The following SLC13A4 variants were observed in gnomAD, a reference collection of about 807,000 sequenced individuals.
SLC13A4 encodes solute carrier family 13 member 4, also known as Na(+)/sulfate cotransporter SUT-1.
SLC13A4 carries 28 observed loss-of-function variants against 72.7 expected under a neutral mutation model. That is an observed-to-expected ratio of 0.39 (90% CI 0.29 to 0.53). SLC13A4 has a LOEUF of 0.53. Ranked by LOEUF, SLC13A4 falls within the 20% of genes least tolerant of loss-of-function variation. The probability of loss-of-function intolerance (pLI) is 0.78; values close to 1 mark genes in which losing one functional copy is unlikely to be tolerated. For synonymous variants in SLC13A4, 312 were observed against 325.5 expected (o/e 0.96, Z 0.45); for missense variants, 653 against 788.0 (o/e 0.83, Z 2.05).
chr7:135,699,909 C>G (rs1407966864), intron 7 of SLC13A4, among the ~76,000 whole-genome samples: 2 of 152,160 alleles, frequency 1.3e-5, no homozygotes, highest in African/African-American at 4.8e-5. Flanking sequence ...ACTGGTGTCA[C>G]TCTACATTGT....
At chr7:135,710,320 C>T (rs1011018825) in intron 2 of SLC13A4, among the ~76,000 whole-genome samples, 4 of 152,042 alleles carry the variant, frequency 2.6e-5, no homozygotes, top group African/African-American at 9.7e-5. Context: ...AAAATCTTCC[C>T]GGGAGGCAGA....
At chr7:135,719,789 GTGTGTGTGTGTGTA>G (rs1451087510) in intron 2 of SLC13A4, among the ~76,000 whole-genome samples, 3 of 138,968 alleles carry the variant, frequency 2.2e-5, no homozygotes, top group African/African-American at 3.1e-5. Context: ...ACATGTGTGT[GTGTGTGTGTGTGTA>G]TGTGTGTGTG....
At chr7:135,725,525 ACTC>A (rs1796636706) in intron 1 of SLC13A4, among the ~76,000 whole-genome samples, 1 of 151,732 alleles carries the variant, frequency 6.6e-6, no homozygotes, top group Admixed American at 6.6e-5. Context: ...GGTCATTTTG[ACTC>A]CTCCTAAAAT....
Position 135,681,625 on chromosome 7 carries a change from G to A in SLC13A4, c.1822C>T (p.Leu608Phe). 2 of 1,614,158 alleles carry A rather than the reference G, an allele frequency of 1.2e-6. No homozygotes were observed. Among genetic ancestry groups the A allele is most frequent in the Non-Finnish European group, 1.7e-6 (2 of 1,180,002 alleles). Residue 608 changes from leucine to phenylalanine, a missense_variant, in exon 16 of 16, where the codon CTC becomes TTC. By Grantham distance (22) the Leu-to-Phe change is conservative. Transcript: ENST00000682651. ...GCTGGGTAAGTGTCCAGGTGGAAGA[G>A]GCTAACTCCCCAGGTGTTGATGGCC... ...MVAINTWGVS[L>F]FHLDTYPAWA...
chr7:135,693,936 T>C (rs1013950988), intron 10 of SLC13A4, among the ~76,000 whole-genome samples: 5 of 152,210 alleles, frequency 3.3e-5, no homozygotes, highest in African/African-American at 1.2e-4. Context: ...GGACTCTGAA[T>C]AGAGCAAAGG....
intron 7 of SLC13A4, among the ~76,000 whole-genome samples, chr7:135,700,269 C>T (rs552035693): frequency 3.3e-5 from 5 of 152,312 alleles, no homozygotes; most frequent in Admixed American, 6.5e-5. Context: ...GTCCAGATGA[C>T]GGCCTTTCAG....
chr7:135,705,489 T>C (rs1796139465), intron 5 of SLC13A4, 107 bp downstream of exon 5: 3 of 1,004,040 alleles, frequency 3.0e-6, no homozygotes, highest in Admixed American at 3.8e-5. Flanking sequence ...GGTGGTGAGC[T>C]TGGGTGGTAC....
intron 15 of SLC13A4, chr7:135,683,455 T>C (rs1249110622): frequency 2.0e-6 from 2 of 984,718 alleles, no homozygotes; most frequent in Non-Finnish European, 2.4e-6. Context: ...CCATCAGTAA[T>C]TCGTATCAGT....
intron 2 of SLC13A4, among the ~76,000 whole-genome samples, chr7:135,712,461 T>TAAAAAAAAA (rs539587817): frequency 8.1e-6 from 1 of 122,982 alleles, no homozygotes; most frequent in African/African-American, 3.1e-5. Context: ...TTTTCTCATC[T>TAAAAAAAAA]AAAAAAAAAA....
At chr7:135,718,075 ACACACACACACACGCG>A (rs999261614) in intron 2 of SLC13A4, among the ~76,000 whole-genome samples, 1 of 132,610 alleles carries the variant, frequency 7.5e-6, no homozygotes, top group African/African-American at 3.0e-5. Context: ...ATTCCTACAC[ACACACACACACACGCG>A]CGCGCGCGCA....
chr7:135,702,891 C>G lies in SLC13A4; in HGVS notation c.594-7G>C, dbSNP rs913364039. ...GAGGTCTGCGTTGGACCTGCTGGAA[C>G]CAAGCAGAGGACACAGGAGCCACGT... is the stretch of plus-strand genomic sequence containing the variant. On this transcript the variant is annotated splice_region_variant and splice_polypyrimidine_tract_variant and intron_variant, in intron 5 of 15. Coordinates refer to ENST00000682651, the MANE Select transcript of SLC13A4 (RefSeq NM_001318192.2). 1.9e-6 allele frequency: 3 copies of G among 1,612,584 alleles called. No individual in the cohort carries two copies. The African/African-American group carries it at 4.0e-5, about 22-fold the overall frequency.
At chr7:135,716,157 T>C (rs112640387) in intron 2 of SLC13A4, among the ~76,000 whole-genome samples, 7 of 152,316 alleles carry the variant, frequency 4.6e-5, no homozygotes, top group Admixed American at 2.0e-4. Flanking sequence ...CCTGGACTTA[T>C]GGAAGCCTGG....
At chr7:135,705,879 C>T (rs1796148370) in intron 4 of SLC13A4, 3 of 564,838 alleles carry the variant, frequency 5.3e-6, no homozygotes, top group African/African-American at 1.9e-5. Context: ...TACCCTTGAG[C>T]ATTTGGGGGA....
chr7:135,701,600 G>A lies in SLC13A4; in HGVS notation c.714+80C>T, dbSNP rs146294445. The A allele has an allele frequency of 5.5e-5, 77 of 1,397,696 alleles. No homozygotes were observed. The African/African-American group carries it at 7.7e-4, about 14-fold the overall frequency. 86.6% of individuals were successfully genotyped at this position (1,397,696 alleles called of 1,614,324 possible). ...CAGCTCACTAGCCTGATTCCCTTAC[G>A]ACTTCAAGACCAGTGCCCTTGGGAA... On this transcript the variant is annotated intron_variant, in intron 7 of 15. Coordinates refer to ENST00000682651, the MANE Select transcript of SLC13A4 (RefSeq NM_001318192.2).
Position 135,723,727 on chromosome 7 carries a change from C to T in SLC13A4, c.100-2204G>A, listed in dbSNP as rs530986065. The stretch of plus-strand genomic sequence containing the variant: ...TAAGGGGCAGCAGGAGTGATTAAAT[C>T]AGCTGGGCTGGCAAGGACCTTGTGC... On this transcript the variant is annotated intron_variant, in intron 1 of 15. Transcript: ENST00000682651. Among the ~76,000 whole-genome samples the T allele has an allele frequency of 4.6e-5, 7 of 152,256 alleles. No homozygotes were observed. In the South Asian group the frequency reaches 1.5e-3, roughly 32 times the overall value.
chr7:135,689,850 T>C (rs1354084506), intron 13 of SLC13A4, among the ~76,000 whole-genome samples: 2 of 152,114 alleles, frequency 1.3e-5, no homozygotes, highest in Non-Finnish European at 2.9e-5. Flanking sequence ...TTCTGTGACC[T>C]TATTATTAAT....
At chr7:135,681,823 G>T in intron 15 of SLC13A4, 123 bp from the exon 16 acceptor site, 1 of 1,367,900 alleles carries the variant, frequency 7.3e-7, no homozygotes. Flanking sequence ...TTGCTGCCTG[G>T]GGTGCTCTAG....
chr7:135,698,348 T>C (rs1461882562), intron 8 of SLC13A4, among the ~76,000 whole-genome samples: 1 of 144,616 alleles, frequency 6.9e-6, no homozygotes, highest in Non-Finnish European at 1.5e-5. Context: ...TTTTTTTTTT[T>C]TTTTGAAGCG....
intron 9 of SLC13A4, 144 bp from the exon 10 acceptor site, chr7:135,694,382 T>C: frequency 6.7e-6 from 4 of 596,394 alleles, no homozygotes; most frequent in Non-Finnish European, 1.2e-5. Context: ...CCCCCACCTA[T>C]TCATATGGCT....
Sources: allele counts gnomAD v4.1 joint callset (sites outside exome capture counted in the v4.1 genomes callset), GRCh38; gene constraint gnomAD v4.1.1; transcripts MANE v1.5; gene names NCBI Gene and HGNC (gene_info 2026-07-23, HGNC 2026-07-21).